The following EFTUD2 variants were observed in gnomAD, a reference collection of about 807,000 sequenced individuals.
The protein encoded by EFTUD2 is elongation factor Tu GTP binding domain containing 2.
In EFTUD2, 9 loss-of-function variants were observed where a neutral mutation model predicts 114.3. The ratio of observed to expected loss-of-function variants is 0.08; its 90% CI spans 0.05 to 0.14. EFTUD2 has a LOEUF of 0.14. Among genes scored for constraint, EFTUD2 ranks in the 10% least tolerant of loss-of-function variants. The pLI, the probability that EFTUD2 is intolerant of heterozygous loss-of-function variation, is 1.00. For synonymous variants in EFTUD2, 449 were observed against 462.3 expected, an observed-to-expected ratio of 0.97 and a Z score of 0.37; for missense variants, 765 against 1,241.2, an observed-to-expected ratio of 0.62 and a Z score of 5.76.
chr17:44,880,064 A>C (rs1301488902), intron 8 of EFTUD2, among the ~76,000 whole-genome samples: 1 of 152,208 alleles, frequency 6.6e-6, no homozygotes. Flanking sequence ...GACACTGGGC[A>C]TCAGATGGTG....
chr17:44,890,059 G>A (rs1164660182), intron 2 of EFTUD2, among the ~76,000 whole-genome samples: 2 of 152,068 alleles, frequency 1.3e-5, no homozygotes, highest in Non-Finnish European at 2.9e-5. Flanking sequence ...CGGGGCTGGA[G>A]TGCAGTGGCG....
chr17:44,876,849 C>G (rs2050962028), intron 9 of EFTUD2, among the ~76,000 whole-genome samples: 2 of 80,182 alleles, frequency 2.5e-5, no homozygotes, highest in African/African-American at 5.5e-5. Context: ...GAGTGAGACT[C>G]CGTCTCAAAA....
At chr17:44,872,024 G>T (rs2050864040) in intron 11 of EFTUD2, among the ~76,000 whole-genome samples, 1 of 152,146 alleles carries the variant, frequency 6.6e-6, no homozygotes, top group Non-Finnish European at 1.5e-5. Context: ...GTAGATGCTG[G>T]CTGCAAGGTC....
intron 16 of EFTUD2, 51 bp from the exon 17 acceptor site, chr17:44,860,594 A>ATT: frequency 4.0e-6 from 4 of 1,006,974 alleles, no homozygotes; most frequent in Non-Finnish European, 4.4e-6. Context: ...AGCATTCCCT[A>ATT]ATTTTTTTTT....
chr17:44,871,438 C>T (rs899573655), intron 11 of EFTUD2, among the ~76,000 whole-genome samples: 3 of 151,806 alleles, frequency 2.0e-5, no homozygotes, highest in African/African-American at 7.3e-5. Flanking sequence ...CTCCTGGGTT[C>T]ACGCCATTTT....
At chr17:44,880,337 T>C in intron 8 of EFTUD2, 2 of 412,624 alleles carry the variant, frequency 4.8e-6, no homozygotes, top group Non-Finnish European at 8.9e-6. Context: ...TTTTAAATAT[T>C]CGAAAGAGTA....
At position 44,850,158 on chromosome 17, in the gene EFTUD2, C is replaced by T; in HGVS notation, c.*1116G>A. 2 of 568,270 alleles carry T rather than the reference C, an allele frequency of 3.5e-6. No homozygotes were observed. The highest frequency in any genetic ancestry group is 6.3e-6 in the Non-Finnish European group (2 of 315,726). 35.2% of individuals were successfully genotyped at this position (568,270 alleles called of 1,614,324 possible). ...CGTGAACTGTCAGATAAGTGGTTTC[C>T]CCAGGTTGTGTGGTCAGATGCTTGA... is the stretch of plus-strand genomic sequence containing the variant. On this transcript the variant is annotated 3_prime_UTR_variant, in exon 28 of 28. Transcript: ENST00000426333.
intron 5 of EFTUD2, 138 bp downstream of exon 5, chr17:44,883,511 G>C: frequency 2.4e-6 from 2 of 819,584 alleles, no homozygotes; most frequent in South Asian, 3.0e-5. Context: ...GTATGACTTC[G>C]TAACAGGCAT....
rs376018559 is a variant in EFTUD2 at position 44,850,451 on chromosome 17, T to C, written c.*823A>G. Reference sequence around the variant, plus strand: ...TCCCCTAACTCAATCCCTGGTACATTCCTAATAAAGCAGTTTTGAGGAAAA... The same window carrying C: ...TCCCCTAACTCAATCCCTGGTACATCCCTAATAAAGCAGTTTTGAGGAAAA... On this transcript the variant is annotated 3_prime_UTR_variant, in exon 28 of 28. Coordinates refer to ENST00000426333, the MANE Select transcript of EFTUD2 (RefSeq NM_004247.4). 1.1e-5 allele frequency: 15 copies of C among 1,343,990 alleles called. No homozygotes were observed. In the African/African-American group the frequency reaches 1.1e-4, roughly 10 times the overall value. The allele number at this position is 1,343,990 out of a possible 1,614,324, so 83.3% of individuals were successfully genotyped here.
At chr17:44,885,130 G>A in intron 4 of EFTUD2, 126 bp downstream of exon 4, 1 of 710,706 alleles carries the variant, frequency 1.4e-6, no homozygotes, top group East Asian at 2.5e-5. Context: ...ACAAGCTGAA[G>A]GAGAATTTGA....
rs1382359260 is a variant in EFTUD2, at chr17:44,887,592, AT to A, written c.106-843del. ...AGAGGCCAGACTGAAAAAGCTGCAT[AT>A]TATATGATTCCATTTATATGAAAAT... On this transcript the variant is annotated intron_variant, in intron 2 of 27. Coordinates refer to ENST00000426333, the MANE Select transcript of EFTUD2 (RefSeq NM_004247.4). 2.6e-5 allele frequency among the ~76,000 whole-genome samples: 4 copies of A among 152,258 alleles called. No individual in the cohort carries two copies. The East Asian group carries it at 7.7e-4, about 29-fold the overall frequency.
chr17:44,878,501 A>C (rs1405680100), intron 9 of EFTUD2, among the ~76,000 whole-genome samples: 1 of 152,254 alleles, frequency 6.6e-6, no homozygotes, highest in Non-Finnish European at 1.5e-5. Context: ...GGTATGATTA[A>C]TAAAACTGAA....
Position 44,890,668 on chromosome 17 carries a change from G to T in EFTUD2, c.105+3749C>A, listed in dbSNP as rs533044489. Among the ~76,000 whole-genome samples the T allele has an allele frequency of 2.0e-5, 3 of 152,018 alleles. No individual in the cohort carries two copies. The South Asian group carries it at 6.3e-4, about 32-fold the overall frequency. On this transcript the variant is annotated intron_variant, in intron 2 of 27. Transcript: ENST00000426333. ...GATCATGCCATTGCACTCCAGCCTG[G>T]GCAACAAGAGCGAAACTCCATCTCA...
intron 2 of EFTUD2, 100 bp downstream of exon 2, chr17:44,894,317 C>G (rs1000806640): frequency 1.0e-5 from 10 of 976,900 alleles, no homozygotes; most frequent in African/African-American, 8.1e-5. Context: ...TTGCAGTGAG[C>G]TGAGATTGCG....
intron 1 of EFTUD2, chr17:44,895,834 C>A (rs2051374560): frequency 6.6e-6 from 1 of 152,198 alleles, no homozygotes; most frequent in South Asian, 2.1e-4. Context: ...ACCTAAGGAT[C>A]CAATCCAGGA....
At chr17:44,859,780 GC>G in intron 18 of EFTUD2, 124 bp downstream of exon 18, 1 of 1,484,588 alleles carries the variant, frequency 6.7e-7, no homozygotes, top group Non-Finnish European at 9.2e-7. Flanking sequence ...GGCTGGGCTT[GC>G]TCCTGACACA....
chr17:44,868,001 G>A, intron 12 of EFTUD2, 104 bp from the exon 13 acceptor site: 1 of 1,148,002 alleles, frequency 8.7e-7, no homozygotes, highest in Non-Finnish European at 1.2e-6. Flanking sequence ...CCCAGGGGAG[G>A]AATGTGTGTG....
At chr17:44,873,728 CCTA>C (rs953284970) in intron 10 of EFTUD2, among the ~76,000 whole-genome samples, 1 of 148,838 alleles carries the variant, frequency 6.7e-6, no homozygotes, top group Non-Finnish European at 1.5e-5. Flanking sequence ...TATCCCACTT[CCTA>C]CTTTTTTTTT....
In EFTUD2 at chr17:44,886,571, T is replaced by C; in HGVS notation, c.271+14A>G. 1 of 1,614,112 alleles carries C rather than the reference T, an allele frequency of 6.2e-7. No homozygotes were observed. The highest frequency in any genetic ancestry group is 8.5e-7 in the Non-Finnish European group (1 of 1,179,972). On this transcript the variant is annotated intron_variant, in intron 3 of 27. Transcript: ENST00000426333. ...TCAATTTCACTCCGCACAGCCCATG[T>C]CCTCCTGATGTACCTGTGAGAGGCT... is the stretch of plus-strand genomic sequence containing the variant.
Sources: gnomAD v4.1 joint callset for allele counts (sites outside exome capture counted in the v4.1 genomes callset) on GRCh38, gnomAD v4.1.1 for gene constraint, MANE v1.5 for transcripts, NCBI Gene and HGNC (gene_info 2026-07-23, HGNC 2026-07-21) for gene names.